The following PTPN5 variants were observed in gnomAD, a reference collection of about 807,000 sequenced individuals.
The protein encoded by PTPN5 is tyrosine-protein phosphatase non-receptor type 5.
Under a neutral mutation model 73.9 loss-of-function variants are expected in PTPN5, and 29 were observed. The observed-to-expected ratio is 0.39, with a 90% CI of 0.29 to 0.54. PTPN5 has a LOEUF of 0.54. PTPN5 is among the 20% of genes least tolerant of loss of function. The probability of loss-of-function intolerance (pLI) is 0.65; values close to 1 mark genes in which losing one functional copy is unlikely to be tolerated. For synonymous variants in PTPN5, 267 were observed against 304.7 expected (o/e 0.88, Z 1.29); for missense variants, 652 against 751.4 (o/e 0.87, Z 1.55).
intron 1 of PTPN5, among the ~76,000 whole-genome samples, chr11:18,781,150 G>A (rs1244616814): frequency 2.7e-5 from 4 of 146,942 alleles, no homozygotes; most frequent in Non-Finnish European, 4.5e-5. Context: ...GCACCCCCCC[G>A]GCCCCGCCCC....
In PTPN5 at chr11:18,733,400, G is replaced by T; in HGVS notation, c.1081-28C>A. ...GCGGCCAGCCAAGTCCAGGCTGTCA[G>T]GGTCAGAGGCAGTGCTCCCAGGACC... On this transcript the variant is annotated intron_variant, in intron 10 of 14. Transcript: ENST00000358540. The surrounding 1 kb of genome is among the most constrained non-coding windows in gnomAD (Gnocchi z 4.3). 1 of 1,611,248 alleles carries T rather than the reference G, an allele frequency of 6.2e-7. No homozygotes were observed. The highest frequency in any genetic ancestry group is 1.1e-5 in the South Asian group (1 of 91,010).
chr11:18,767,722 C>T (rs892035741), intron 2 of PTPN5, among the ~76,000 whole-genome samples: 4 of 152,364 alleles, frequency 2.6e-5, no homozygotes, highest in African/African-American at 9.6e-5. Context: ...CAGAACTCAA[C>T]GTTTATCACA....
chr11:18,757,305 A>G (rs1031672927), intron 3 of PTPN5, among the ~76,000 whole-genome samples: 4 of 152,238 alleles, frequency 2.6e-5, no homozygotes, highest in African/African-American at 9.6e-5. Context: ...GTCCAAGCCC[A>G]TCAGTGAAAG....
At chr11:18,779,310 C>T (rs550363849) in intron 1 of PTPN5, among the ~76,000 whole-genome samples, 16 of 150,670 alleles carry the variant, frequency 1.1e-4, no homozygotes, top group African/African-American at 3.7e-4. Flanking sequence ...GAAGACACAG[C>T]GAGGCTGGGT....
chr11:18,791,269 C>T (rs1851910471), intron 1 of PTPN5, among the ~76,000 whole-genome samples: 1 of 152,242 alleles, frequency 6.6e-6, no homozygotes, highest in African/African-American at 2.4e-5. Flanking sequence ...TCCCCGGAAC[C>T]GCGCACGGGC....
At chr11:18,788,587 C>T (rs1851774833) in intron 1 of PTPN5, among the ~76,000 whole-genome samples, 1 of 152,190 alleles carries the variant, frequency 6.6e-6, no homozygotes, top group African/African-American at 2.4e-5. Flanking sequence ...AATCATTCAC[C>T]CAGTTTAAAT....
intron 1 of PTPN5, 149 bp downstream of exon 1, chr11:18,791,376 C>T (rs556867355): frequency 2.0e-5 from 3 of 152,386 alleles, no homozygotes; most frequent in African/African-American, 7.2e-5. Flanking sequence ...GCGCCCAGAG[C>T]CCCACGGGGG....
At chr11:18,791,343 G>C (rs192707490) in intron 1 of PTPN5, among the ~76,000 whole-genome samples, 182 bp downstream of exon 1, 47 of 152,316 alleles carry the variant, frequency 3.1e-4, no homozygotes, top group South Asian at 1.2e-3. Context: ...CTCTGCATGG[G>C]GGACCCCTCC....
intron 5 of PTPN5, 111 bp from the exon 6 acceptor site, chr11:18,743,186 G>A (rs1018923116): frequency 1.2e-5 from 15 of 1,211,028 alleles, no homozygotes; most frequent in Non-Finnish European, 1.8e-5. Context: ...TCTGGGATGG[G>A]GAGCAGGCAG....
At chr11:18,730,093 C>G (rs774214393) in intron 12 of PTPN5, 5 of 536,486 alleles carry the variant, frequency 9.3e-6, no homozygotes, top group African/African-American at 1.9e-5. Context: ...GGCCAAGAGC[C>G]CCTTCTCCAA....
intron 1 of PTPN5, among the ~76,000 whole-genome samples, chr11:18,783,652 G>A (rs754693957): frequency 6.6e-6 from 1 of 152,200 alleles, no homozygotes; most frequent in Non-Finnish European, 1.5e-5. Flanking sequence ...AATGTAGTAA[G>A]CACTCAGTAA....
At chr11:18,768,965 C>G (rs2134310564) in intron 2 of PTPN5, among the ~76,000 whole-genome samples, 2 of 152,272 alleles carry the variant, frequency 1.3e-5, no homozygotes, top group Middle Eastern at 3.4e-3. Context: ...GCAACAGGAA[C>G]AGAACACTGG....
At chr11:18,740,529 G>A (rs1849313987) in intron 8 of PTPN5, 74 bp downstream of exon 8, 7 of 1,307,574 alleles carry the variant, frequency 5.4e-6, no homozygotes, top group Non-Finnish European at 7.0e-6. Context: ...CAGGCACCAC[G>A]CTCCACCACC....
Position 18,750,915 on chromosome 11 carries a change from G to A in PTPN5, c.98-6716C>T, listed in dbSNP as rs1385874534. ...TCTATGATTTTTCTCTTACTCCACA[G>A]AAAGGTCTGGAAACCCACAAGGGGG... On this transcript the variant is annotated intron_variant, in intron 3 of 14. Coordinates refer to ENST00000358540, the MANE Select transcript of PTPN5 (RefSeq NM_006906.2). Among the ~76,000 whole-genome samples the A allele has an allele frequency of 5.3e-5, 8 of 152,198 alleles. 1 individual carries two copies. Among genetic ancestry groups the A allele is most frequent in the Admixed American group, 5.2e-4 (8 of 15,278 alleles).
At chr11:18,778,625 G>A (rs776023397) in intron 1 of PTPN5, among the ~76,000 whole-genome samples, 16 of 152,080 alleles carry the variant, frequency 1.1e-4, no homozygotes, top group African/African-American at 2.2e-4. Flanking sequence ...TCCTGCTTTC[G>A]CTGTGTGATG....
At chr11:18,756,920 T>TAA (rs1564910476) in intron 3 of PTPN5, among the ~76,000 whole-genome samples, 140 of 110,170 alleles carry the variant, frequency 1.3e-3, no homozygotes, top group African/African-American at 6.3e-3. Flanking sequence ...CAAGACTCCA[T>TAA]CAAAAAAAAA....
chr11:18,749,494 G>GGGGGGGGGGGGGGTGGGGGC (rs756336602), intron 3 of PTPN5: 24 of 511,658 alleles, frequency 4.7e-5, no homozygotes, highest in East Asian at 1.1e-4. Context: ...AGGGTGGGGG[G>GGGGGGGGGGGGGGTGGGGGC]CAGAACCTTG....
chr11:18,785,729 C>A (rs951068038), intron 1 of PTPN5, among the ~76,000 whole-genome samples: 6 of 152,212 alleles, frequency 3.9e-5, no homozygotes, highest in Non-Finnish European at 8.8e-5. Context: ...CATGTCGACT[C>A]TTCAGAAAGA....
At chr11:18,773,249 G>A (rs879432879) in intron 1 of PTPN5, among the ~76,000 whole-genome samples, 3 of 150,628 alleles carry the variant, frequency 2.0e-5, no homozygotes, top group Non-Finnish European at 4.4e-5. Context: ...GTTCCTGGAG[G>A]AGCTATCCTT....
Sources: gnomAD v4.1 joint callset for allele counts (sites outside exome capture counted in the v4.1 genomes callset) on GRCh38, gnomAD v4.1.1 for gene constraint, Gnocchi (gnomAD v3.1) non-coding constraint, MANE v1.5 for transcripts, NCBI Gene and HGNC (gene_info 2026-07-23, HGNC 2026-07-21) for gene names.